The following METTL25 variants were observed in gnomAD, a reference collection of about 807,000 sequenced individuals.
METTL25 encodes the protein methyltransferase like 25.
Under a neutral mutation model 71.6 loss-of-function variants are expected in METTL25, and 64 were observed. The observed-to-expected ratio is 0.89, with a 90% CI of 0.73 to 1.10. The LOEUF is 1.10. METTL25 is among the 50% of genes least tolerant of loss of function. METTL25 has a pLI of 0.00. For missense variants in METTL25, 807 were observed against 707.0 expected (o/e 1.14, Z -1.60); for synonymous variants, 287 against 250.3 (o/e 1.15, Z -1.38).
At chr12:82,463,284 A>T (rs1371435752) in intron 9 of METTL25, among the ~76,000 whole-genome samples, 1 of 151,746 alleles carries the variant, frequency 6.6e-6, no homozygotes, top group African/African-American at 2.4e-5. Context: ...CTTCTAGGAG[A>T]TTAACTTTTT....
At chr12:82,400,284 A>G (rs1886486874) in intron 4 of METTL25, among the ~76,000 whole-genome samples, 2 of 151,974 alleles carry the variant, frequency 1.3e-5, no homozygotes, top group South Asian at 4.1e-4. Flanking sequence ...GTGAGCCAAG[A>G]TCGCACCACT....
chr12:82,466,509 A>G (rs1226833104), intron 9 of METTL25, among the ~76,000 whole-genome samples: 2 of 151,992 alleles, frequency 1.3e-5, no homozygotes, highest in Non-Finnish European at 1.5e-5. Context: ...TTGTGTCCTA[A>G]GGTATGGTTA....
rs192313102 is a variant in METTL25, at chr12:82,363,094, C to T, written c.259+4270C>T. Among the ~76,000 whole-genome samples, 23 of 152,176 alleles carry T rather than the reference C, an allele frequency of 1.5e-4. No homozygotes were observed. The East Asian group carries it at 3.1e-3, about 21-fold the overall frequency. On this transcript the variant is annotated intron_variant, in intron 1 of 11. Coordinates refer to ENST00000248306, the MANE Select transcript of METTL25 (RefSeq NM_032230.3). Reference sequence around the variant, plus strand: ...GATCGGAGCAGGTGCAAATTTAAGACGTACATTCTGGAAACAGGAGATACA... The same window carrying T: ...GATCGGAGCAGGTGCAAATTTAAGATGTACATTCTGGAAACAGGAGATACA...
At chr12:82,434,500 T>A (rs1889765936) in intron 6 of METTL25, among the ~76,000 whole-genome samples, 195 bp from the exon 7 acceptor site, 1 of 151,546 alleles carries the variant, frequency 6.6e-6, no homozygotes, top group Non-Finnish European at 1.5e-5. Flanking sequence ...ACATCCATTA[T>A]AAATTAGCTC....
At chr12:82,451,587 A>G (rs1054465380) in intron 8 of METTL25, among the ~76,000 whole-genome samples, 2 of 152,178 alleles carry the variant, frequency 1.3e-5, no homozygotes, top group Non-Finnish European at 2.9e-5. Flanking sequence ...AACCATGCTT[A>G]CTTGTTCATA....
At chr12:82,363,588 A>C (rs1286279409) in intron 1 of METTL25, among the ~76,000 whole-genome samples, 2 of 152,212 alleles carry the variant, frequency 1.3e-5, no homozygotes, top group Non-Finnish European at 2.9e-5. Context: ...AAGGGGGGAT[A>C]GTTTTCACAG....
chr12:82,456,985 T>C (rs1891539785), intron 9 of METTL25, among the ~76,000 whole-genome samples, 165 bp downstream of exon 9: 1 of 151,978 alleles, frequency 6.6e-6, no homozygotes, highest in African/African-American at 2.4e-5. Context: ...CAGTTTATCC[T>C]TCTTGTCATT....
At chr12:82,459,964 T>C (rs1460029459) in intron 9 of METTL25, 1 of 152,258 alleles carries the variant, frequency 6.6e-6, no homozygotes, top group African/African-American at 2.4e-5. Context: ...AATGGCTTTG[T>C]CTTCCTTGAC....
chr12:82,360,028 TTGTC>T (rs1470226760), intron 1 of METTL25, among the ~76,000 whole-genome samples: 1 of 152,242 alleles, frequency 6.6e-6, no homozygotes, highest in Admixed American at 6.5e-5. Context: ...AGCAGAGTCT[TTGTC>T]TGACTTGTCA....
intron 1 of METTL25, among the ~76,000 whole-genome samples, chr12:82,373,037 C>A (rs184446304): frequency 1.2e-3 from 183 of 152,270 alleles, no homozygotes; most frequent in African/African-American, 4.3e-3. Flanking sequence ...AAAACCTGCA[C>A]CCTTGCGTGT....
intron 1 of METTL25, among the ~76,000 whole-genome samples, chr12:82,383,039 G>T (rs1018482463): frequency 6.6e-6 from 1 of 152,112 alleles, no homozygotes; most frequent in Non-Finnish European, 1.5e-5. Context: ...ATTACTTTTT[G>T]TGGAGAGGGA....
intron 1 of METTL25, among the ~76,000 whole-genome samples, chr12:82,361,408 T>C (rs1366359889): frequency 2.6e-5 from 4 of 152,168 alleles, no homozygotes; most frequent in African/African-American, 9.7e-5. Flanking sequence ...TCCCATGCCG[T>C]GCGCCCGCAC....
At chr12:82,466,273 T>G (rs1357742327) in intron 9 of METTL25, among the ~76,000 whole-genome samples, 6 of 151,856 alleles carry the variant, frequency 4.0e-5, no homozygotes, top group Admixed American at 2.6e-4. Context: ...TTCAATAGGT[T>G]TTGGTATGTT....
intron 3 of METTL25, among the ~76,000 whole-genome samples, chr12:82,394,843 C>T (rs1485658910): frequency 1.3e-5 from 2 of 151,722 alleles, no homozygotes; most frequent in Admixed American, 1.3e-4. Flanking sequence ...GAGTTAAAAC[C>T]TTCGGGAGGT....
chr12:82,444,732 T>C (rs1036255161), intron 8 of METTL25, among the ~76,000 whole-genome samples: 4 of 151,912 alleles, frequency 2.6e-5, no homozygotes, highest in African/African-American at 4.8e-5. Context: ...ATCAATAGCA[T>C]TGAAAGTAAA....
At chr12:82,379,476 T>A (rs908340800) in intron 1 of METTL25, among the ~76,000 whole-genome samples, 1 of 151,902 alleles carries the variant, frequency 6.6e-6, no homozygotes, top group Non-Finnish European at 1.5e-5. Flanking sequence ...CTTCTCATTT[T>A]AAATGAAGTT....
At chr12:82,467,579 T>A (rs1157561237) in intron 9 of METTL25, among the ~76,000 whole-genome samples, 1 of 152,192 alleles carries the variant, frequency 6.6e-6, no homozygotes, top group Non-Finnish European at 1.5e-5. Flanking sequence ...TTTTTTTGTT[T>A]TATATTTCAA....
At chr12:82,435,926 A>G (rs1889882947) in intron 7 of METTL25, among the ~76,000 whole-genome samples, 1 of 151,458 alleles carries the variant, frequency 6.6e-6, no homozygotes, top group African/African-American at 2.4e-5. Context: ...ATAGTACTAT[A>G]TAGTATGTAC....
At chr12:82,382,898 T>C (rs549315027) in intron 1 of METTL25, among the ~76,000 whole-genome samples, 91 of 152,032 alleles carry the variant, frequency 6.0e-4, no homozygotes, top group Non-Finnish European at 6.8e-4. Flanking sequence ...TTAGTAGAAA[T>C]GAGGTCTTGC....
Sources: gnomAD v4.1 joint callset for allele counts (sites outside exome capture counted in the v4.1 genomes callset) on GRCh38, gnomAD v4.1.1 for gene constraint, MANE v1.5 for transcripts, NCBI Gene and HGNC (gene_info 2026-07-23, HGNC 2026-07-21) for gene names.